Variants in LAMA2 observed in about 807,000 individuals in gnomAD.
LAMA2 encodes laminin subunit alpha-2.
In LAMA2, 269 loss-of-function variants were observed where a neutral mutation model predicts 364.8. That is an observed-to-expected ratio of 0.74 (90% confidence interval 0.67 to 0.82). LAMA2 has a LOEUF of 0.82. Among genes scored for constraint, LAMA2 ranks in the 40% least tolerant of loss-of-function variants. The pLI, the probability that LAMA2 is intolerant of heterozygous loss-of-function variation, is 0.00. For synonymous variants in LAMA2, 1,379 were observed against 1,370.6 expected, an observed-to-expected ratio of 1.01 and a Z score of -0.14; for missense variants, 3,807 against 3,873.2, an observed-to-expected ratio of 0.98 and a Z score of 0.45.
chr6:128,983,606 G>A (rs1371946341), intron 1 of LAMA2, among the ~76,000 whole-genome samples: 2 of 152,136 alleles, frequency 1.3e-5, no homozygotes, highest in Non-Finnish European at 2.9e-5. Flanking sequence ...AGGATGGAGA[G>A]GACAATGGGA....
chr6:129,072,585 A>C (rs1014128066), intron 3 of LAMA2, among the ~76,000 whole-genome samples: 1 of 152,058 alleles, frequency 6.6e-6, no homozygotes, highest in Non-Finnish European at 1.5e-5. Context: ...TCAAATTACC[A>C]TATTCTCATC....
chr6:128,980,773 T>C lies in LAMA2; in HGVS notation c.113-69145T>C, dbSNP rs181497958. 3.2e-4 allele frequency among the ~76,000 whole-genome samples: 48 copies of C among 152,296 alleles called. 1 individual carries two copies. The highest frequency in any genetic ancestry group is 2.4e-3 in the Admixed American group (36 of 15,298). The stretch of plus-strand genomic sequence containing the variant: ...CCATTTTAGAAAGTAGGAGTAGATA[T>C]TTTAATTTTTTCTTGCTTCTTGAGA... On this transcript the variant is annotated intron_variant, in intron 1 of 64. Coordinates refer to ENST00000421865, the MANE Select transcript of LAMA2 (RefSeq NM_000426.4).
intron 1 of LAMA2, among the ~76,000 whole-genome samples, chr6:128,994,173 G>A (rs946695059): frequency 3.9e-5 from 6 of 152,350 alleles, no homozygotes; most frequent in Non-Finnish European, 7.3e-5. Flanking sequence ...CTGTAGTTTT[G>A]TGAGAAAAGC....
At chr6:129,298,957 C>G (rs1773378262) in intron 21 of LAMA2, among the ~76,000 whole-genome samples, 1 of 151,952 alleles carries the variant, frequency 6.6e-6, no homozygotes, top group South Asian at 2.1e-4. Flanking sequence ...AAAATATACT[C>G]TGTTCTTTAA....
chr6:128,985,106 T>C (rs1783135569), intron 1 of LAMA2, among the ~76,000 whole-genome samples: 1 of 152,190 alleles, frequency 6.6e-6, no homozygotes, highest in Admixed American at 6.5e-5. Flanking sequence ...ACTGTCTTAT[T>C]CTTTTTAGAT....
chr6:129,289,522 T>G (rs905044648), intron 19 of LAMA2, among the ~76,000 whole-genome samples: 1 of 152,192 alleles, frequency 6.6e-6, no homozygotes, highest in Non-Finnish European at 1.5e-5. Flanking sequence ...CAGTGAATTC[T>G]AAGGCTAAGT....
At chr6:129,015,856 A>G (rs1785039732) in intron 1 of LAMA2, among the ~76,000 whole-genome samples, 1 of 151,982 alleles carries the variant, frequency 6.6e-6, no homozygotes, top group African/African-American at 2.4e-5. Flanking sequence ...TGTAGTGGAA[A>G]TTTGGATTGA....
At chr6:129,297,994 C>T in intron 21 of LAMA2, 129 bp downstream of exon 21, 4 of 586,728 alleles carry the variant, frequency 6.8e-6, no homozygotes, top group Admixed American at 3.3e-5. Context: ...GTAATGTCTA[C>T]TTATTTTTAC....
intron 44 of LAMA2, among the ~76,000 whole-genome samples, chr6:129,444,953 G>A (rs1266285190): frequency 6.6e-6 from 1 of 152,218 alleles, no homozygotes; most frequent in Non-Finnish European, 1.5e-5. Flanking sequence ...CTATGGATCA[G>A]TGATGACCTT....
intron 1 of LAMA2, among the ~76,000 whole-genome samples, chr6:128,995,799 T>G (rs1783899642): frequency 6.6e-6 from 1 of 152,260 alleles, no homozygotes; most frequent in African/African-American, 2.4e-5. Flanking sequence ...TTTCTCATTC[T>G]TAAGTAAAAC....
intron 1 of LAMA2, among the ~76,000 whole-genome samples, chr6:128,936,322 A>G (rs1384028759): frequency 1.3e-5 from 2 of 152,182 alleles, no homozygotes; most frequent in Non-Finnish European, 2.9e-5. Context: ...CTTGTCATAT[A>G]TGTCCTTTAT....
intron 4 of LAMA2, among the ~76,000 whole-genome samples, chr6:129,122,594 C>G (rs531288986): frequency 1.1e-3 from 165 of 152,210 alleles, no homozygotes; most frequent in African/African-American, 3.8e-3. Context: ...TTTACATGAA[C>G]GTTTATTCCT....
intron 1 of LAMA2, among the ~76,000 whole-genome samples, chr6:128,901,814 T>C (rs1777100918): frequency 6.6e-6 from 1 of 152,238 alleles, no homozygotes; most frequent in African/African-American, 2.4e-5. Flanking sequence ...TACAGTTGAC[T>C]GCAGAGTTTA....
chr6:129,404,327 A>G (rs6926812), intron 40 of LAMA2, among the ~76,000 whole-genome samples: 75,911 of 151,532 alleles, frequency 0.5, 19,463 homozygotes, highest in African/African-American at 0.62. Context: ...TCACACACAA[A>G]TTGGTTACAT....
intron 1 of LAMA2, among the ~76,000 whole-genome samples, chr6:129,017,986 A>G (rs1785184399): frequency 6.6e-6 from 1 of 151,888 alleles, no homozygotes; most frequent in Non-Finnish European, 1.5e-5. Flanking sequence ...TTTGTTTCTG[A>G]TGGCATCTCT....
chr6:128,981,902 C>A (rs78072825), intron 1 of LAMA2, among the ~76,000 whole-genome samples: 2,628 of 152,286 alleles, frequency 0.017, 87 homozygotes, highest in African/African-American at 0.061. Flanking sequence ...GCTAGCCAGG[C>A]CTTTGGGAAG....
intron 1 of LAMA2, among the ~76,000 whole-genome samples, chr6:128,924,635 A>G (rs1436716876): frequency 2.0e-5 from 3 of 152,138 alleles, no homozygotes; most frequent in African/African-American, 7.2e-5. Flanking sequence ...CCTCTTAGAT[A>G]TTAATAAAAG....
Position 129,280,056 on chromosome 6 carries a change from C to A in LAMA2, c.2451-5C>A. On this transcript the variant is annotated splice_polypyrimidine_tract_variant and splice_region_variant and intron_variant, in intron 17 of 64. Coordinates refer to ENST00000421865, the MANE Select transcript of LAMA2 (RefSeq NM_000426.4). The stretch of plus-strand genomic sequence containing the variant: ...TCCCTGTTTTCCGCAACAACATCAA[C>A]ATAGCTTTAGCCCAACGTGCCATTT... 1 of 1,606,374 alleles carries A rather than the reference C, an allele frequency of 6.2e-7. No individual in the cohort carries two copies. The highest frequency in any genetic ancestry group is 8.5e-7 in the Non-Finnish European group (1 of 1,173,136).
intron 1 of LAMA2, among the ~76,000 whole-genome samples, chr6:129,023,077 C>T (rs1785550050): frequency 6.6e-6 from 1 of 152,058 alleles, no homozygotes; most frequent in Non-Finnish European, 1.5e-5. Context: ...TATGCACTAC[C>T]CTCCCTGCAT....
Sources: allele counts gnomAD v4.1 joint callset (sites outside exome capture counted in the v4.1 genomes callset), GRCh38; gene constraint gnomAD v4.1.1; transcripts MANE v1.5; gene names NCBI Gene and HGNC (gene_info 2026-07-23, HGNC 2026-07-21).